NLK: variants seen among roughly 807,000 people sequenced by gnomAD.
The protein encoded by NLK is nemo like kinase, also known as serine/threonine-protein kinase NLK.
A neutral mutation model predicts 59.0 loss-of-function variants in NLK; 11 were observed. The ratio of observed to expected loss-of-function variants is 0.19; its 90% CI spans 0.12 to 0.31. The LOEUF is 0.31. NLK is among the 10% of genes least tolerant of loss of function. The pLI is 1.00. For synonymous variants in NLK, 235 were observed against 235.9 expected (o/e 1.00, Z 0.03); for missense variants, 410 against 661.1 (o/e 0.62, Z 4.16).
At chr17:28,086,605 C>T (rs1910525133) in intron 1 of NLK, among the ~76,000 whole-genome samples, 1 of 151,622 alleles carries the variant, frequency 6.6e-6, no homozygotes, top group Non-Finnish European at 1.5e-5. Context: ...TTGTTTTTTG[C>T]CTTAACTTTA....
chr17:28,086,529 A>G (rs1910521319), intron 1 of NLK, among the ~76,000 whole-genome samples: 1 of 152,160 alleles, frequency 6.6e-6, no homozygotes, highest in Non-Finnish European at 1.5e-5. Flanking sequence ...ATGAAAATAC[A>G]GTTTTATAGT....
intron 8 of NLK, among the ~76,000 whole-genome samples, chr17:28,188,980 G>GACACACACACACACACAC (rs57423093): frequency 7.0e-6 from 1 of 142,536 alleles, no homozygotes; most frequent in Admixed American, 7.1e-5. Context: ...GACAAACACA[G>GACACACACACACACACAC]ACACACACAC....
chr17:28,085,317 G>T (rs1211712074), intron 1 of NLK, among the ~76,000 whole-genome samples: 5 of 152,244 alleles, frequency 3.3e-5, no homozygotes, highest in Non-Finnish European at 7.3e-5. Context: ...GCATTTTTTG[G>T]AGCATTCTTC....
chr17:28,121,611 T>TG (rs1415753724), intron 1 of NLK, among the ~76,000 whole-genome samples: 1 of 150,386 alleles, frequency 6.6e-6, no homozygotes, highest in African/African-American at 2.4e-5. Flanking sequence ...AAGCAATTCT[T>TG]GTGCCTCAGC....
chr17:28,176,358 T>C (rs1908681110), intron 7 of NLK, among the ~76,000 whole-genome samples: 1 of 152,246 alleles, frequency 6.6e-6, no homozygotes, highest in Non-Finnish European at 1.5e-5. Flanking sequence ...GTAGTTTTCA[T>C]TTAAGTAATT....
intron 1 of NLK, among the ~76,000 whole-genome samples, chr17:28,074,209 C>T (rs1323892807): frequency 6.6e-6 from 1 of 152,082 alleles, no homozygotes; most frequent in Non-Finnish European, 1.5e-5. Context: ...CATTCACATC[C>T]CAATTCTAAA....
At chr17:28,111,895 T>TGG (rs530087512) in intron 1 of NLK, among the ~76,000 whole-genome samples, 3 of 65,460 alleles carry the variant, frequency 4.6e-5, no homozygotes, top group African/African-American at 6.5e-5. Context: ...TGTGTGTGTG[T>TGG]GGTGTGTGTG....
intron 3 of NLK, among the ~76,000 whole-genome samples, chr17:28,149,081 G>C (rs569473846): frequency 1.3e-5 from 2 of 151,956 alleles, no homozygotes; most frequent in African/African-American, 4.8e-5. Flanking sequence ...ACGTTTTTTT[G>C]AGACAGGGTC....
intron 1 of NLK, among the ~76,000 whole-genome samples, chr17:28,069,503 C>G (rs1455232975): frequency 6.6e-6 from 1 of 152,178 alleles, no homozygotes. Context: ...GTACTACTAC[C>G]AGCAAAGATG....
intron 2 of NLK, among the ~76,000 whole-genome samples, chr17:28,123,545 G>A (rs1217317652): frequency 6.6e-6 from 1 of 152,208 alleles, no homozygotes; most frequent in Admixed American, 6.5e-5. Flanking sequence ...ATAGAGTGTA[G>A]TGATTTATAT....
At chr17:28,081,560 G>C (rs1308896672) in intron 1 of NLK, among the ~76,000 whole-genome samples, 1 of 151,996 alleles carries the variant, frequency 6.6e-6, no homozygotes, top group South Asian at 2.1e-4. Context: ...CAAATAAAAA[G>C]AACTGGAAGA....
chr17:28,130,047 A>G (rs1325796195), intron 2 of NLK, among the ~76,000 whole-genome samples: 2 of 152,192 alleles, frequency 1.3e-5, no homozygotes, highest in Non-Finnish European at 2.9e-5. Context: ...TTTTAATTAG[A>G]CAAGTCTGCT....
intron 1 of NLK, among the ~76,000 whole-genome samples, chr17:28,092,839 A>G (rs1233591608): frequency 6.6e-6 from 1 of 150,700 alleles, no homozygotes; most frequent in Non-Finnish European, 1.5e-5. Context: ...TCACTTGCCC[A>G]GGCTGGAGTG....
chr17:28,134,362 C>T (rs1205834177), intron 3 of NLK, among the ~76,000 whole-genome samples: 1 of 152,198 alleles, frequency 6.6e-6, no homozygotes, highest in Admixed American at 6.5e-5. Flanking sequence ...GATCACACCA[C>T]TGCACTATAG....
At chr17:28,147,331 A>G (rs1441250807) in intron 3 of NLK, among the ~76,000 whole-genome samples, 1 of 152,206 alleles carries the variant, frequency 6.6e-6, no homozygotes, top group Non-Finnish European at 1.5e-5. Flanking sequence ...TCAGAATTTG[A>G]TGTCAGCATT....
At chr17:28,176,512 C>T (rs1908687121) in intron 7 of NLK, among the ~76,000 whole-genome samples, 1 of 152,128 alleles carries the variant, frequency 6.6e-6, no homozygotes, top group African/African-American at 2.4e-5. Flanking sequence ...TTCCTTTTTA[C>T]AGATGGGAAA....
chr17:28,205,750 C>T, the NLK span, among the ~76,000 whole-genome samples: 1 of 152,062 alleles, frequency 6.6e-6, no homozygotes, highest in African/African-American at 2.4e-5. Context: ...AAAAAAAAAT[C>T]CATGTATAAA....
intron 3 of NLK, among the ~76,000 whole-genome samples, chr17:28,150,636 G>A (rs760044572): frequency 6.6e-6 from 1 of 152,154 alleles, no homozygotes; most frequent in African/African-American, 2.4e-5. Context: ...AGACATCAGA[G>A]CTACCTCCTT....
At chr17:28,066,385 C>G (rs527493586) in intron 1 of NLK, among the ~76,000 whole-genome samples, 1 of 152,284 alleles carries the variant, frequency 6.6e-6, no homozygotes, top group Non-Finnish European at 1.5e-5. Context: ...AATACATGAC[C>G]TGTTATTAAC....
Sources: gnomAD v4.1 joint callset for allele counts (sites outside exome capture counted in the v4.1 genomes callset) on GRCh38, gnomAD v4.1.1 for gene constraint, MANE v1.5 for transcripts, NCBI Gene and HGNC (gene_info 2026-07-23, HGNC 2026-07-21) for gene names.